AKR1B15: variants seen among roughly 807,000 people sequenced by gnomAD.
The protein encoded by AKR1B15 is estradiol 17-beta-dehydrogenase AKR1B15.
AKR1B15 carries 49 observed loss-of-function variants against 38.5 expected under a neutral mutation model. The observed-to-expected ratio is 1.27, with a 90% CI of 1.01 to 1.62. The LOEUF (loss-of-function observed/expected upper bound fraction) is 1.62, where lower values mean the gene tolerates loss of function less well. Ranked by LOEUF, AKR1B15 falls within the 40% of genes most tolerant of loss-of-function variation. AKR1B15 has a pLI of 0.00. For synonymous variants in AKR1B15, 137 were observed against 135.5 expected (o/e 1.01, Z -0.08); for missense variants, 411 against 381.6 (o/e 1.08, Z -0.64).
chr7:134,550,836 C>A (rs188994987), intron 1 of AKR1B15, among the ~76,000 whole-genome samples: 3 of 152,256 alleles, frequency 2.0e-5, no homozygotes, highest in Non-Finnish European at 2.9e-5. Flanking sequence ...GGACACTCTG[C>A]GAAGTAGAAT....
chr7:134,569,786 T>C, intron 5 of AKR1B15: 1 of 389,210 alleles, frequency 2.6e-6, no homozygotes, highest in South Asian at 2.9e-5. Context: ...TTCCTATGCC[T>C]GTCTTTACTT....
In AKR1B15 at chr7:134,564,672, G is replaced by C. The variant is rs1373464127; in HGVS notation, c.53G>C (p.Gly18Ala). Residue 18 changes from glycine (G) to alanine (A), a missense_variant, in exon 3 of 12, where the codon GGA becomes GCA. Transcript: ENST00000457545. ...QVNSTNNFHQ[G>A]PLDQPVGPLT... ...AACTCAACTAACAACTTCCACCAAGGACCCCTGGACCAACCCGTTGGCCCT... is the reference window on the plus strand; with the variant it reads ...AACTCAACTAACAACTTCCACCAAGCACCCCTGGACCAACCCGTTGGCCCT... The C allele has an allele frequency of 4.3e-6, 3 of 698,878 alleles. No individual in the cohort carries two copies. Among genetic ancestry groups the C allele is most frequent in the Non-Finnish European group, 7.8e-6 (3 of 383,896 alleles). 43.3% of individuals were successfully genotyped at this position (698,878 alleles called of 1,614,324 possible).
intron 2 of AKR1B15, among the ~76,000 whole-genome samples, chr7:134,562,504 C>T (rs558476290): frequency 1.1e-4 from 17 of 152,140 alleles, no homozygotes; most frequent in Admixed American, 3.3e-4. Flanking sequence ...CTGATTGGTC[C>T]ATTATACGGA....
intron 6 of AKR1B15, chr7:134,573,662 C>A: frequency 2.1e-6 from 1 of 478,096 alleles, no homozygotes; most frequent in Non-Finnish European, 2.7e-6. Flanking sequence ...ACTAACCTGA[C>A]CTATGATGCA....
intron 6 of AKR1B15, 52 bp downstream of exon 6, chr7:134,571,733 A>T: frequency 2.1e-6 from 3 of 1,408,522 alleles, no homozygotes; most frequent in Non-Finnish European, 3.0e-6. Flanking sequence ...TCAGTTATCC[A>T]TGAGATTCCC....
At chr7:134,568,465 A>G (rs1674609204) in intron 4 of AKR1B15, 140 bp downstream of exon 4, 3 of 1,264,110 alleles carry the variant, frequency 2.4e-6, no homozygotes, top group Admixed American at 2.4e-5. Context: ...CGTGGATACA[A>G]TACTATCCAT....
At chr7:134,566,645 C>A (rs1195148407) in intron 3 of AKR1B15, among the ~76,000 whole-genome samples, 1 of 152,090 alleles carries the variant, frequency 6.6e-6, no homozygotes, top group Non-Finnish European at 1.5e-5. Flanking sequence ...TGGAGTTCCT[C>A]TTCTCTCCTG....
intron 3 of AKR1B15, chr7:134,565,618 G>T: frequency 1.3e-6 from 2 of 1,590,026 alleles, no homozygotes; most frequent in Non-Finnish European, 1.7e-6. Flanking sequence ...TCTACATTCA[G>T]CCAGAAAAGC....
At chr7:134,569,578 A>G in intron 5 of AKR1B15, 49 bp downstream of exon 5, 6 of 1,598,338 alleles carry the variant, frequency 3.8e-6, no homozygotes, top group Middle Eastern at 1.7e-4. Flanking sequence ...CTGTTGCAGG[A>G]ATTCAGGGAC....
chr7:134,562,827 CCTTTCT>C (rs1163622473), intron 2 of AKR1B15, among the ~76,000 whole-genome samples: 16 of 138,398 alleles, frequency 1.2e-4, no homozygotes, highest in South Asian at 7.4e-4. Flanking sequence ...TTCCTTCCTT[CCTTTCT>C]CTTTCTTTCT....
rs186406556 is a variant in AKR1B15 at position 134,579,725 on chromosome 7, A to T, written c.*176A>T. On this transcript the variant is annotated 3_prime_UTR_variant, in exon 12 of 12. Coordinates refer to ENST00000457545, the MANE Select transcript of AKR1B15 (RefSeq NM_001080538.3). ...ATGTATTTCTGTATGTTCAACTAGGATAAGAATATCACAGAAAAGCATGGC... is the reference window on the plus strand; with the variant it reads ...ATGTATTTCTGTATGTTCAACTAGGTTAAGAATATCACAGAAAAGCATGGC... 1.9e-6 allele frequency: 1 copy of T among 539,434 alleles called. No homozygotes were observed. The highest frequency in any genetic ancestry group is 3.1e-5 in the East Asian group (1 of 31,974). 33.4% of individuals were successfully genotyped at this position (539,434 alleles called of 1,614,324 possible). A position where few individuals can be genotyped will look rare whatever the true frequency, so the allele number is the denominator to read the frequency against.
At chr7:134,562,398 TTGATTGGTCCATTTTACAGAGTGC>T (rs1208348394) in intron 2 of AKR1B15, among the ~76,000 whole-genome samples, 2 of 152,164 alleles carry the variant, frequency 1.3e-5, no homozygotes, top group African/African-American at 4.8e-5. Context: ...CCACTTCCTG[TTGATTGGTCCATTTTACAGAGTGC>T]TGATTGGTCC....
In AKR1B15 at chr7:134,577,007, C is replaced by T. The variant is rs753689709; in HGVS notation, c.870C>T (p.Pro290=). Residue 290 remains proline (P), a synonymous_variant, in exon 10 of 12, where the codon CCC becomes CCT. Coordinates refer to ENST00000457545, the MANE Select transcript of AKR1B15 (RefSeq NM_001080538.3). ...FHIQRNVTVI[P]KSMTPAHIVE... is the part of the protein sequence containing the mutation. Reference sequence around the variant, plus strand: ...TCCAGAGGAATGTGACAGTGATCCCCAAGTCTATGACACCAGCACACATTG... The same window carrying T: ...TCCAGAGGAATGTGACAGTGATCCCTAAGTCTATGACACCAGCACACATTG... The T allele has an allele frequency of 3.1e-6, 5 of 1,613,828 alleles. No homozygotes were observed. The South Asian group carries it at 4.4e-5, about 14-fold the overall frequency.
At chr7:134,571,708 C>T (rs777211097) in intron 6 of AKR1B15, 27 bp downstream of exon 6, 1 of 1,571,830 alleles carries the variant, frequency 6.4e-7, no homozygotes, top group Non-Finnish European at 8.7e-7. Context: ...TCTAAGTGTG[C>T]TGGGAGAGAA....
At chr7:134,562,578 A>C (rs1467997513) in intron 2 of AKR1B15, among the ~76,000 whole-genome samples, 2 of 152,152 alleles carry the variant, frequency 1.3e-5, no homozygotes, top group African/African-American at 2.4e-5. Flanking sequence ...AGCTAGCCAC[A>C]GAGCACTGAT....
intron 11 of AKR1B15, 97 bp from the exon 12 acceptor site, chr7:134,579,410 C>A: frequency 9.1e-7 from 1 of 1,093,938 alleles, no homozygotes; most frequent in Non-Finnish European, 1.3e-6. Flanking sequence ...TGAGAGACCA[C>A]AAATACCACA....
intron 1 of AKR1B15, among the ~76,000 whole-genome samples, chr7:134,550,007 G>A (rs1044212126): frequency 2.0e-5 from 3 of 152,050 alleles, no homozygotes; most frequent in Non-Finnish European, 2.9e-5. Context: ...ACATTCACCC[G>A]TTTAGGATTT....
At chr7:134,553,876 T>C (rs750072084) in intron 1 of AKR1B15, among the ~76,000 whole-genome samples, 1 of 151,964 alleles carries the variant, frequency 6.6e-6, no homozygotes, top group Non-Finnish European at 1.5e-5. Flanking sequence ...GAACAGGGAG[T>C]ACAGAAGGCT....
chr7:134,572,990 T>C (rs1794696815), intron 6 of AKR1B15, among the ~76,000 whole-genome samples: 1 of 152,058 alleles, frequency 6.6e-6, no homozygotes, highest in African/African-American at 2.4e-5. Context: ...TTAAATGTAG[T>C]TTTTTCTGTG....
Sources: gnomAD v4.1 joint callset for allele counts (sites outside exome capture counted in the v4.1 genomes callset) on GRCh38, gnomAD v4.1.1 for gene constraint, MANE v1.5 for transcripts, NCBI Gene and HGNC (gene_info 2026-07-23, HGNC 2026-07-21) for gene names.